The following PIGL variants were observed in gnomAD, a reference collection of about 807,000 sequenced individuals.
PIGL encodes phosphatidylinositol glycan anchor biosynthesis class L.
A neutral mutation model predicts 31.1 loss-of-function variants in PIGL; 22 were observed. That is an observed-to-expected ratio of 0.71 (90% CI 0.51 to 1.01). The LOEUF is 1.01. PIGL is among the 50% of genes least tolerant of loss of function. The pLI, the probability that PIGL is intolerant of heterozygous loss-of-function variation, is 0.00. For missense variants in PIGL, 302 were observed against 315.9 expected, an observed-to-expected ratio of 0.96 and a Z score of 0.33; for synonymous variants, 131 against 117.4, an observed-to-expected ratio of 1.12 and a Z score of -0.75.
intron 5 of PIGL, chr17:16,317,250 G>C (rs1366602210): frequency 1.0e-6 from 1 of 1,003,274 alleles, no homozygotes; most frequent in Admixed American, 5.2e-5. Context: ...TTCTATGTGG[G>C]ATGACTGAAA....
intron 6 of PIGL, among the ~76,000 whole-genome samples, chr17:16,324,829 A>C (rs2093120406): frequency 6.6e-6 from 1 of 152,166 alleles, no homozygotes; most frequent in Admixed American, 6.6e-5. Flanking sequence ...TAAAAACTGA[A>C]CTATACTAGG....
chr17:16,281,173 A>G (rs1036534186), intron 2 of PIGL, among the ~76,000 whole-genome samples: 8 of 152,258 alleles, frequency 5.3e-5, no homozygotes, highest in Non-Finnish European at 1.0e-4. Flanking sequence ...AAATTTTTCT[A>G]GGAATGCATG....
At chr17:16,263,833 CTTTTTTTTTTTTT>C (rs913026747) in intron 2 of PIGL, among the ~76,000 whole-genome samples, 1 of 76,980 alleles carries the variant, frequency 1.3e-5, no homozygotes, top group Non-Finnish European at 2.4e-5. Flanking sequence ...TAAATGTTGA[CTTTTTTTTTTTTT>C]TTTTTTTTTT....
intron 3 of PIGL, among the ~76,000 whole-genome samples, chr17:16,311,949 G>C (rs948252132): frequency 1.3e-5 from 2 of 152,106 alleles, no homozygotes. Flanking sequence ...CGTCATCATG[G>C]CCCGTTCTCA....
intron 3 of PIGL, among the ~76,000 whole-genome samples, chr17:16,300,880 A>G (rs1262688670): frequency 6.6e-6 from 1 of 152,136 alleles, no homozygotes; most frequent in Non-Finnish European, 1.5e-5. Flanking sequence ...GCAATAGCAG[A>G]GATTTGTATT....
chr17:16,276,880 T>G (rs928726271), intron 2 of PIGL, among the ~76,000 whole-genome samples: 1 of 152,280 alleles, frequency 6.6e-6, no homozygotes, highest in Non-Finnish European at 1.5e-5. Context: ...CTTGGCCTCA[T>G]TATTTGTATA....
chr17:16,273,469 A>G (rs112307020), intron 2 of PIGL, among the ~76,000 whole-genome samples: 88 of 152,354 alleles, frequency 5.8e-4, no homozygotes, highest in African/African-American at 2.0e-3. Flanking sequence ...AATGGGCAAT[A>G]AATTGATCTG....
intron 5 of PIGL, chr17:16,317,463 C>T: frequency 9.2e-7 from 1 of 1,090,650 alleles, no homozygotes; most frequent in African/African-American, 1.6e-5. Flanking sequence ...ACTCCCAATA[C>T]AGTAATTCCT....
intron 5 of PIGL, 147 bp from the exon 6 acceptor site, chr17:16,317,628 C>A (rs1463315888): frequency 6.8e-7 from 1 of 1,474,956 alleles, no homozygotes; most frequent in Admixed American, 2.3e-5. Context: ...GGGCACAGGG[C>A]AGCTTTAGTG....
chr17:16,240,223 C>A, intron 2 of PIGL, among the ~76,000 whole-genome samples: 1 of 152,230 alleles, frequency 6.6e-6, no homozygotes, highest in South Asian at 2.1e-4. Flanking sequence ...TCCCCCTTTG[C>A]CTTCTGCCAT....
intron 2 of PIGL, among the ~76,000 whole-genome samples, chr17:16,275,039 A>T (rs1018887195): frequency 1.3e-5 from 2 of 152,132 alleles, no homozygotes; most frequent in African/African-American, 4.8e-5. Context: ...CTCAAAAAAA[A>T]AAAAAGAAAA....
intron 2 of PIGL, among the ~76,000 whole-genome samples, chr17:16,251,051 A>G (rs951010523): frequency 6.6e-6 from 1 of 152,234 alleles, no homozygotes; most frequent in East Asian, 1.9e-4. Flanking sequence ...ATAAATGACA[A>G]TGTGAGGATT....
intron 2 of PIGL, among the ~76,000 whole-genome samples, chr17:16,266,771 G>A (rs1333965528): frequency 6.6e-6 from 1 of 151,772 alleles, no homozygotes; most frequent in Non-Finnish European, 1.5e-5. Context: ...AATTTTTTTT[G>A]TATTTTTAGT....
intron 6 of PIGL, among the ~76,000 whole-genome samples, chr17:16,320,916 T>C (rs1229880404): frequency 6.7e-6 from 1 of 148,472 alleles, no homozygotes; most frequent in African/African-American, 2.5e-5. Context: ...ATTACAGGCA[T>C]GAGCCACTGT....
intron 2 of PIGL, among the ~76,000 whole-genome samples, chr17:16,267,548 C>T (rs1433323952): frequency 6.6e-6 from 1 of 151,862 alleles, no homozygotes; most frequent in African/African-American, 2.4e-5. Context: ...CAGAAATTAG[C>T]CTGAATTTAG....
intron 6 of PIGL, among the ~76,000 whole-genome samples, chr17:16,319,025 G>A (rs2093091227): frequency 6.6e-6 from 1 of 151,074 alleles, no homozygotes; most frequent in Non-Finnish European, 1.5e-5. Context: ...AGGCCGGGGT[G>A]GGTGGACTGC....
chr17:16,260,724 A>G (rs1020024664), intron 2 of PIGL, among the ~76,000 whole-genome samples: 1 of 152,162 alleles, frequency 6.6e-6, no homozygotes, highest in African/African-American at 2.4e-5. Context: ...TCTGCCTCTC[A>G]GTGAAGCTCC....
At chr17:16,268,114 A>C (rs2092853125) in intron 2 of PIGL, among the ~76,000 whole-genome samples, 1 of 152,174 alleles carries the variant, frequency 6.6e-6, no homozygotes, top group Admixed American at 6.5e-5. Context: ...ACTTTGTCTA[A>C]CCTGAGATTT....
At position 16,217,332 on chromosome 17, in the gene PIGL, C is replaced by T. The variant is rs2092585442; in HGVS notation, c.106C>T (p.Arg36Trp). ...AATGAAGAGTCGGGAGCAGGGAGGA[C>T]GGCTGGGAGCCGAAAGCCGGACCCT... ...ERMKSREQGG[R>W]LGAESRTLLV... The change falls in exon 1 of 7, where the codon CGG becomes TGG. Residue 36 changes from arginine to tryptophan, a missense_variant. Transcript: ENST00000225609. 1 of 1,614,140 alleles carries T rather than the reference C, an allele frequency of 6.2e-7. No homozygotes were observed. Among genetic ancestry groups the T allele is most frequent in the Non-Finnish European group, 8.5e-7 (1 of 1,180,022 alleles).
Sources: gnomAD v4.1 joint callset for allele counts (sites outside exome capture counted in the v4.1 genomes callset) on GRCh38, gnomAD v4.1.1 for gene constraint, MANE v1.5 for transcripts, NCBI Gene and HGNC (gene_info 2026-07-23, HGNC 2026-07-21) for gene names.